FRMD3: variants seen among roughly 807,000 people sequenced by gnomAD.
FRMD3 encodes the protein FERM domain containing 3.
A neutral mutation model predicts 70.2 loss-of-function variants in FRMD3; 33 were observed. The observed-to-expected ratio is 0.47, with a 90% CI of 0.36 to 0.63. The LOEUF (loss-of-function observed/expected upper bound fraction) is 0.63. Among genes scored for constraint, FRMD3 ranks in the 20% least tolerant of loss-of-function variants. The pLI, the probability that FRMD3 is intolerant of heterozygous loss-of-function variation, is 0.00. For synonymous variants in FRMD3, 279 were observed against 255.9 expected (o/e 1.09, Z -0.86); for missense variants, 632 against 711.4 (o/e 0.89, Z 1.27).
At chr9:83,358,672 G>GTATTTATTTATT (rs34830442) in intron 3 of FRMD3, among the ~76,000 whole-genome samples, 6,240 of 142,964 alleles carry the variant, frequency 0.044, 177 homozygotes, top group Non-Finnish European at 0.063. Flanking sequence ...ATATTCTTAA[G>GTATTTATTTATT]TATTTATTTA....
rs897161001 is a variant in FRMD3 at position 83,244,810 on chromosome 9, T to TAA, written c.*3106_*3107dup. 18 of 985,166 alleles carry TAA rather than the reference T, an allele frequency of 1.8e-5. No individual in the cohort carries two copies. Among genetic ancestry groups the TAA allele is most frequent in the Non-Finnish European group, 2.0e-5 (17 of 829,794 alleles). 61.0% of individuals were successfully genotyped at this position (985,166 alleles called of 1,614,324 possible). ...GTGAATTCACCCCGAGTTGTGTTTA[T>TAA]AAATATTAGACAAACCACAAAATAT... On this transcript the variant is annotated 3_prime_UTR_variant, in exon 14 of 14. Transcript: ENST00000304195.
intron 1 of FRMD3, among the ~76,000 whole-genome samples, chr9:83,489,801 T>C (rs1828775548): frequency 6.6e-6 from 1 of 152,180 alleles, no homozygotes; most frequent in African/African-American, 2.4e-5. Flanking sequence ...TCCCTGCCAT[T>C]ATCATCAGAG....
intron 10 of FRMD3, among the ~76,000 whole-genome samples, chr9:83,301,228 T>C (rs540283485): frequency 3.3e-5 from 5 of 152,260 alleles, no homozygotes; most frequent in East Asian, 3.9e-4. Context: ...GCAAGCTGCA[T>C]TGAGATGGTC....
At chr9:83,535,784 C>G (rs948707514) in intron 1 of FRMD3, among the ~76,000 whole-genome samples, 2 of 152,140 alleles carry the variant, frequency 1.3e-5, no homozygotes, top group Non-Finnish European at 2.9e-5. Flanking sequence ...CGCAGACAGG[C>G]AGATGTGGGC....
chr9:83,248,427 T>C lies in FRMD3; in HGVS notation c.1285A>G (p.Ser429Gly), dbSNP rs754729251. 2 of 1,614,144 alleles carry C rather than the reference T, an allele frequency of 1.2e-6. No homozygotes were observed. Among genetic ancestry groups the C allele is most frequent in the Middle Eastern group, 1.6e-4 (1 of 6,062 alleles). ...TCTTTTATTTTATCTTCCTCTTCAC[T>C]AGGGGGATCTTCATACTCCCGGGCT... Reference protein sequence around the residue: ...KAAREYEDPPSEEEDKIKEEP... With the variant: ...KAAREYEDPPGEEEDKIKEEP... The change falls in exon 14 of 14, where the codon AGT becomes GGT. Residue 429 changes from serine to glycine, a missense_variant. This residue lies in a region of FRMD3 where 418 missense variants were observed against 442.1 expected (regional missense o/e 0.95). Transcript: ENST00000304195.
At chr9:83,352,048 TA>T (rs1437639301) in intron 3 of FRMD3, among the ~76,000 whole-genome samples, 1 of 152,234 alleles carries the variant, frequency 6.6e-6, no homozygotes, top group Non-Finnish European at 1.5e-5. Flanking sequence ...ATGTCTATAG[TA>T]ACTACAGAAT....
At chr9:83,356,038 G>A (rs2131203737) in intron 3 of FRMD3, among the ~76,000 whole-genome samples, 1 of 152,186 alleles carries the variant, frequency 6.6e-6, no homozygotes, top group South Asian at 2.1e-4. Flanking sequence ...TTGCTGATTT[G>A]ATAACACTGA....
At chr9:83,311,748 C>T (rs114391312) in intron 8 of FRMD3, 139 bp downstream of exon 8, 1 of 695,512 alleles carries the variant, frequency 1.4e-6, no homozygotes, top group African/African-American at 1.8e-5. Context: ...CTAGATGTTA[C>T]ATCCCTTTAT....
chr9:83,356,529 G>A (rs1824350436), intron 3 of FRMD3, among the ~76,000 whole-genome samples: 1 of 151,420 alleles, frequency 6.6e-6, no homozygotes, highest in Non-Finnish European at 1.5e-5. Flanking sequence ...GCCCACCTCG[G>A]CCTCCCAAAG....
At chr9:83,267,410 G>A (rs1833320243) in intron 13 of FRMD3, 4 of 757,150 alleles carry the variant, frequency 5.3e-6, no homozygotes, top group Non-Finnish European at 7.3e-6. Flanking sequence ...AAACCTTCCG[G>A]ACCAAAACAG....
chr9:83,545,465 C>T, the FRMD3 span, among the ~76,000 whole-genome samples: 2 of 146,122 alleles, frequency 1.4e-5, 1 homozygote, highest in East Asian at 4.4e-4. Context: ...TCATGCCATT[C>T]TCCTGCCTCA....
chr9:83,580,589 A>C, the FRMD3 span, among the ~76,000 whole-genome samples: 1 of 152,140 alleles, frequency 6.6e-6, no homozygotes, highest in Non-Finnish European at 1.5e-5. Context: ...AGAAAGCAGA[A>C]TGATGGCACC....
the FRMD3 span, among the ~76,000 whole-genome samples, chr9:83,550,102 A>G: frequency 6.6e-6 from 1 of 151,990 alleles, no homozygotes; most frequent in African/African-American, 2.4e-5. Context: ...TTAAGTCTTT[A>G]TTTTATCTTG....
the FRMD3 span, among the ~76,000 whole-genome samples, chr9:83,571,955 T>G: frequency 1.3e-5 from 2 of 152,350 alleles, no homozygotes; most frequent in South Asian, 4.1e-4. Flanking sequence ...CACAGATTGC[T>G]GGGCCCACAC....
intron 4 of FRMD3, among the ~76,000 whole-genome samples, chr9:83,346,749 G>A (rs1823977516): frequency 6.6e-6 from 1 of 152,170 alleles, no homozygotes; most frequent in Non-Finnish European, 1.5e-5. Flanking sequence ...AGAATTACCT[G>A]GAGGGCTTAT....
chr9:83,471,342 ACAGG>A (rs1828263420), intron 1 of FRMD3, among the ~76,000 whole-genome samples: 1 of 152,156 alleles, frequency 6.6e-6, no homozygotes, highest in Non-Finnish European at 1.5e-5. Flanking sequence ...AACTGGAAAA[ACAGG>A]CAACTATCTT....
At chr9:83,492,031 C>G (rs1045437242) in intron 1 of FRMD3, among the ~76,000 whole-genome samples, 3 of 152,138 alleles carry the variant, frequency 2.0e-5, no homozygotes, top group Non-Finnish European at 4.4e-5. Context: ...GTAAAATATA[C>G]AATCTAATTT....
chr9:83,403,067 A>C (rs1018230444), intron 1 of FRMD3, among the ~76,000 whole-genome samples: 1 of 151,564 alleles, frequency 6.6e-6, no homozygotes, highest in Admixed American at 6.6e-5. Context: ...CCATGCCCAG[A>C]TAATTTTTGT....
intron 3 of FRMD3, among the ~76,000 whole-genome samples, chr9:83,351,339 C>T (rs1165705223): frequency 6.6e-6 from 1 of 151,828 alleles, no homozygotes; most frequent in African/African-American, 2.4e-5. Flanking sequence ...CACACACACA[C>T]ACACACACAC....
Sources: allele counts gnomAD v4.1 joint callset (sites outside exome capture counted in the v4.1 genomes callset), GRCh38; gene constraint gnomAD v4.1.1; regional missense constraint gnomAD v4.1.1; transcripts MANE v1.5; gene names NCBI Gene and HGNC (gene_info 2026-07-23, HGNC 2026-07-21).